CRISPLD2: variants seen among roughly 807,000 people sequenced by gnomAD.
The protein encoded by CRISPLD2 is cysteine rich secretory protein LCCL domain containing 2.
Under a neutral mutation model 71.1 loss-of-function variants are expected in CRISPLD2, and 47 were observed. The observed-to-expected ratio is 0.66, with a 90% confidence interval of 0.52 to 0.84. CRISPLD2 has a LOEUF of 0.84. Among genes scored for constraint, CRISPLD2 ranks in the 40% least tolerant of loss-of-function variants. The probability of loss-of-function intolerance (pLI) is 0.00; values close to 1 mark genes in which losing one functional copy is unlikely to be tolerated. For synonymous variants in CRISPLD2, 317 were observed against 250.1 expected, an observed-to-expected ratio of 1.27 and a Z score of -2.52; for missense variants, 830 against 651.1, an observed-to-expected ratio of 1.27 and a Z score of -2.99.
chr16:84,905,953 A>C (rs1320790574), intron 14 of CRISPLD2, among the ~76,000 whole-genome samples: 1 of 151,146 alleles, frequency 6.6e-6, no homozygotes, highest in East Asian at 1.9e-4. Flanking sequence ...CAGGTGGTCC[A>C]CCCGCCTCAC....
intron 1 of CRISPLD2, among the ~76,000 whole-genome samples, chr16:84,822,872 A>G (rs9938987): frequency 0.016 from 2,499 of 152,350 alleles, 85 homozygotes; most frequent in African/African-American, 0.055. Context: ...GTAAAAATAC[A>G]CATAAACATA....
intron 14 of CRISPLD2, among the ~76,000 whole-genome samples, chr16:84,903,907 C>T (rs575842188): frequency 9.2e-4 from 140 of 152,352 alleles, no homozygotes; most frequent in Non-Finnish European, 1.5e-3. Context: ...GTTCACCCCA[C>T]CAGCTCCTGT....
intron 14 of CRISPLD2, among the ~76,000 whole-genome samples, chr16:84,896,365 A>T (rs945547820): frequency 1.3e-5 from 2 of 151,286 alleles, no homozygotes; most frequent in Admixed American, 6.6e-5. Flanking sequence ...GGAATCCTTT[A>T]AAAAAAAAGA....
At chr16:84,839,012 A>G (rs1172730703) in intron 2 of CRISPLD2, 1 of 559,692 alleles carries the variant, frequency 1.8e-6, no homozygotes, top group Admixed American at 2.3e-5. Context: ...CAGCCTCCCA[A>G]GTAGCTGGAA....
intron 6 of CRISPLD2, 151 bp from the exon 7 acceptor site, chr16:84,866,746 C>A: frequency 2.7e-6 from 2 of 740,220 alleles, no homozygotes; most frequent in Non-Finnish European, 4.4e-6. Context: ...CAGGTCTGTT[C>A]TGAAATGTAA....
chr16:84,840,989 A>C (rs1366598546), intron 2 of CRISPLD2, among the ~76,000 whole-genome samples: 2 of 152,242 alleles, frequency 1.3e-5, no homozygotes, highest in Non-Finnish European at 2.9e-5. Flanking sequence ...AAAGAGGTGG[A>C]CAAAGCAGAT....
chr16:84,868,760 G>C, intron 7 of CRISPLD2, 91 bp from the exon 8 acceptor site: 2 of 1,047,664 alleles, frequency 1.9e-6, no homozygotes, highest in Admixed American at 1.8e-5. Context: ...TTGGATTGCA[G>C]AATGTTCCAG....
intron 13 of CRISPLD2, among the ~76,000 whole-genome samples, chr16:84,882,347 C>CAAA (rs80146835): frequency 2.9e-3 from 223 of 77,380 alleles, no homozygotes; most frequent in South Asian, 6.9e-3. Flanking sequence ...ACCAATAAAG[C>CAAA]AAAAAAAAAA....
chr16:84,854,933 C>T, intron 6 of CRISPLD2, 104 bp downstream of exon 6: 2 of 907,842 alleles, frequency 2.2e-6, no homozygotes, highest in East Asian at 2.4e-5. Flanking sequence ...AGTCACCCCT[C>T]CTGGCCCTAT....
chr16:84,882,833 A>G (rs1256589263), intron 13 of CRISPLD2, among the ~76,000 whole-genome samples: 1 of 152,186 alleles, frequency 6.6e-6, no homozygotes, highest in Non-Finnish European at 1.5e-5. Flanking sequence ...CCAAATCCAC[A>G]CAGTGAGCAC....
At chr16:84,859,312 C>T (rs1225358635) in intron 6 of CRISPLD2, among the ~76,000 whole-genome samples, 2 of 152,190 alleles carry the variant, frequency 1.3e-5, no homozygotes, top group Non-Finnish European at 2.9e-5. Context: ...CTCCATAAGC[C>T]TCTACTTTAA....
At chr16:84,905,763 G>A (rs1191359940) in intron 14 of CRISPLD2, among the ~76,000 whole-genome samples, 2 of 147,452 alleles carry the variant, frequency 1.4e-5, no homozygotes, top group Non-Finnish European at 3.0e-5. Context: ...AGGCTGGAGT[G>A]CAATGCCTTG....
chr16:84,890,189 C>G (rs1048903434), intron 14 of CRISPLD2, among the ~76,000 whole-genome samples: 1 of 151,862 alleles, frequency 6.6e-6, no homozygotes, highest in Non-Finnish European at 1.5e-5. Flanking sequence ...AAACCCCCGT[C>G]TCTACTAAAA....
intron 8 of CRISPLD2, among the ~76,000 whole-genome samples, chr16:84,870,027 A>G (rs2071452167): frequency 6.6e-6 from 1 of 152,220 alleles, no homozygotes; most frequent in African/African-American, 2.4e-5. Context: ...ACTCAGCCCC[A>G]GTGTGCCACT....
chr16:84,877,543 G>A (rs1484519147), intron 12 of CRISPLD2, 33 bp downstream of exon 12: 38 of 1,604,488 alleles, frequency 2.4e-5, no homozygotes, highest in Non-Finnish European at 3.2e-5. Context: ...TCTTTTCTAT[G>A]GAAGATGTTA....
intron 12 of CRISPLD2, among the ~76,000 whole-genome samples, chr16:84,879,621 C>CAA (rs2143312448): frequency 6.6e-6 from 1 of 152,236 alleles, no homozygotes; most frequent in African/African-American, 2.4e-5. Context: ...CTCGGCCTCC[C>CAA]AAAGTGCTGG....
chr16:84,869,253 G>A (rs1360692244), intron 8 of CRISPLD2, among the ~76,000 whole-genome samples: 6 of 152,058 alleles, frequency 3.9e-5, no homozygotes, highest in Non-Finnish European at 5.9e-5. Flanking sequence ...CAAAAAGAAC[G>A]CATTTGGTTT....
At chr16:84,897,834 C>A (rs1422868139) in intron 14 of CRISPLD2, among the ~76,000 whole-genome samples, 1 of 152,240 alleles carries the variant, frequency 6.6e-6, no homozygotes, top group African/African-American at 2.4e-5. Flanking sequence ...CCAGGCTGGT[C>A]TCGAACCCCT....
rs551091001 is a variant in CRISPLD2, at chr16:84,840,846, C to G, written c.240+2111C>G. 5.9e-5 allele frequency among the ~76,000 whole-genome samples: 9 copies of G among 152,276 alleles called. No individual in the cohort carries two copies. In the East Asian group the frequency reaches 1.5e-3, roughly 26 times the overall value. On this transcript the variant is annotated intron_variant, in intron 2 of 14. Coordinates refer to ENST00000262424, the MANE Select transcript of CRISPLD2 (RefSeq NM_031476.4). ...CATGAACCACCGTGCCCGGCCTATA[C>G]ATATTTATTGAATGTGTGGGTAGGA...
Sources: allele counts gnomAD v4.1 joint callset (sites outside exome capture counted in the v4.1 genomes callset), GRCh38; gene constraint gnomAD v4.1.1; transcripts MANE v1.5; gene names NCBI Gene and HGNC (gene_info 2026-07-23, HGNC 2026-07-21).